Variants in DPP10 observed in about 807,000 individuals in gnomAD.
DPP10 encodes dipeptidyl peptidase like 10.
In DPP10, 33 loss-of-function variants were observed where a neutral mutation model predicts 120.9. The ratio of observed to expected loss-of-function variants is 0.27; its 90% CI spans 0.21 to 0.37. The LOEUF (loss-of-function observed/expected upper bound fraction) is 0.37, where lower values mean the gene tolerates loss of function less well. DPP10 is among the 10% of genes least tolerant of loss of function. DPP10 has a pLI of 1.00. For synonymous variants in DPP10, 337 were observed against 326.1 expected (o/e 1.03, Z -0.36); for missense variants, 816 against 942.8 (o/e 0.87, Z 1.76).
intron 20 of DPP10, 92 bp downstream of exon 20, chr2:115,815,079 C>G: frequency 7.9e-7 from 1 of 1,262,766 alleles, no homozygotes; most frequent in Non-Finnish European, 1.0e-6. Flanking sequence ...CTCAAGGCTT[C>G]TATTTTAGTG....
At chr2:114,694,289 A>G (rs972957846) in intron 1 of DPP10, among the ~76,000 whole-genome samples, 1 of 151,988 alleles carries the variant, frequency 6.6e-6, no homozygotes, top group African/African-American at 2.4e-5. Flanking sequence ...TTATTTCATT[A>G]ATTATAAAAG....
chr2:115,157,260 A>AAAAG (rs1553502259), intron 1 of DPP10, among the ~76,000 whole-genome samples: 3 of 151,672 alleles, frequency 2.0e-5, no homozygotes, highest in Non-Finnish European at 4.4e-5. Flanking sequence ...AAAAAAAAAA[A>AAAAG]AGAGAGATTT....
chr2:115,104,744 A>T (rs1219814446), intron 1 of DPP10, among the ~76,000 whole-genome samples: 3 of 152,228 alleles, frequency 2.0e-5, no homozygotes, highest in Non-Finnish European at 4.4e-5. Flanking sequence ...GCGGTGGCTC[A>T]TGCCTATAAT....
chr2:115,316,035 G>A (rs1468600009), intron 2 of DPP10, among the ~76,000 whole-genome samples: 1 of 152,070 alleles, frequency 6.6e-6, no homozygotes, highest in East Asian at 1.9e-4. Flanking sequence ...GATAAATGAT[G>A]AATTTGGTTT....
At chr2:115,670,027 G>A (rs1461333821) in intron 5 of DPP10, among the ~76,000 whole-genome samples, 1 of 152,114 alleles carries the variant, frequency 6.6e-6, no homozygotes, top group African/African-American at 2.4e-5. Context: ...TGGGAAGTCT[G>A]AGGTCAAGGT....
intron 17 of DPP10, among the ~76,000 whole-genome samples, chr2:115,786,956 A>G (rs1293573614): frequency 1.3e-5 from 2 of 152,182 alleles, no homozygotes; most frequent in African/African-American, 4.8e-5. Context: ...GCCGGAGCTC[A>G]CAGAGTGGTG....
At chr2:115,213,996 G>A (rs2056669344) in intron 1 of DPP10, among the ~76,000 whole-genome samples, 1 of 152,148 alleles carries the variant, frequency 6.6e-6, no homozygotes, top group Admixed American at 6.5e-5. Context: ...TAAAATTAGA[G>A]TAAAATAATT....
intron 1 of DPP10, among the ~76,000 whole-genome samples, chr2:114,946,102 A>T (rs552425376): frequency 2.8e-4 from 43 of 152,322 alleles, no homozygotes; most frequent in African/African-American, 1.0e-3. Flanking sequence ...AACTAAATGT[A>T]ATGTTGAACA....
At chr2:114,960,303 T>C (rs1427581125) in intron 1 of DPP10, among the ~76,000 whole-genome samples, 1 of 150,712 alleles carries the variant, frequency 6.6e-6, no homozygotes, top group Non-Finnish European at 1.5e-5. Context: ...CAAAAGAAAA[T>C]GATAGAGGAA....
At position 114,638,171 on chromosome 2, in the gene DPP10, G is replaced by A. The variant is rs549543995; in HGVS notation, c.60+195333G>A. On this transcript the variant is annotated intron_variant, in intron 1 of 25. Transcript: ENST00000410059. ...TGATTTTTTTCAGCAGTGTTTTGTA[G>A]TTCTCCTTGTAGAGATCCTTCATCT... Among the ~76,000 whole-genome samples the A allele has an allele frequency of 6.6e-5, 10 of 151,670 alleles. No individual in the cohort carries two copies. The South Asian group carries it at 2.1e-3, about 32-fold the overall frequency.
At chr2:115,840,892 C>T (rs533038350) in intron 25 of DPP10, 69 bp downstream of exon 25, 2 of 1,280,578 alleles carry the variant, frequency 1.6e-6, no homozygotes, top group East Asian at 4.7e-5. Flanking sequence ...CGCAACACAG[C>T]TTCTCTATTA....
intron 1 of DPP10, among the ~76,000 whole-genome samples, chr2:114,684,589 A>C (rs1393610837): frequency 6.6e-6 from 1 of 151,958 alleles, no homozygotes; most frequent in Non-Finnish European, 1.5e-5. Flanking sequence ...GGACACATCA[A>C]ACAACCAGCC....
At chr2:115,658,200 T>C (rs1240538489) in intron 5 of DPP10, among the ~76,000 whole-genome samples, 1 of 152,018 alleles carries the variant, frequency 6.6e-6, no homozygotes, top group Non-Finnish European at 1.5e-5. Flanking sequence ...ACAAGCAATC[T>C]GAAAAAGAGA....
intron 1 of DPP10, among the ~76,000 whole-genome samples, chr2:114,930,843 G>A (rs1357505185): frequency 6.6e-6 from 1 of 152,126 alleles, no homozygotes; most frequent in African/African-American, 2.4e-5. Context: ...GAGATGCCAG[G>A]CCCTTTTCCA....
rs150680921 is a variant in DPP10, at chr2:114,611,392, T to C, written c.60+168554T>C. 2.2e-4 allele frequency among the ~76,000 whole-genome samples: 33 copies of C among 152,322 alleles called. 1 individual carries two copies. In the East Asian group the frequency reaches 6.2e-3, roughly 28 times the overall value. On this transcript the variant is annotated intron_variant, in intron 1 of 25. Coordinates refer to ENST00000410059, the MANE Select transcript of DPP10 (RefSeq NM_020868.6). The stretch of plus-strand genomic sequence containing the variant: ...TTCCTGTTCTATGAATAATAAATAC[T>C]GAAAATATAAAAATTACAGAAATGC...
At chr2:114,480,711 G>A (rs1432896420) in intron 1 of DPP10, among the ~76,000 whole-genome samples, 4 of 123,104 alleles carry the variant, frequency 3.2e-5, no homozygotes, top group Admixed American at 9.1e-5. Flanking sequence ...CTGTTGTGGG[G>A]TGGGGGGAGG....
At chr2:115,238,542 T>C (rs1450890954) in intron 1 of DPP10, among the ~76,000 whole-genome samples, 1 of 152,146 alleles carries the variant, frequency 6.6e-6, no homozygotes, top group African/African-American at 2.4e-5. Flanking sequence ...TTTGAGTGGC[T>C]CGAGACTTTA....
At chr2:114,683,034 A>G (rs1020206341) in intron 1 of DPP10, among the ~76,000 whole-genome samples, 1 of 151,930 alleles carries the variant, frequency 6.6e-6, no homozygotes, top group Non-Finnish European at 1.5e-5. Context: ...GCTAATCACT[A>G]TAGGAGCAAA....
intron 5 of DPP10, among the ~76,000 whole-genome samples, chr2:115,553,011 A>G (rs1400932984): frequency 1.3e-5 from 2 of 152,106 alleles, no homozygotes; most frequent in East Asian, 3.9e-4. Flanking sequence ...AAGAGAGTGG[A>G]GGACTCAGAC....
Sources: gnomAD v4.1 joint callset for allele counts (sites outside exome capture counted in the v4.1 genomes callset) on GRCh38, gnomAD v4.1.1 for gene constraint, MANE v1.5 for transcripts, NCBI Gene and HGNC (gene_info 2026-07-23, HGNC 2026-07-21) for gene names.